The following DOCK3 variants were observed in gnomAD, a reference collection of about 807,000 sequenced individuals.
The protein encoded by DOCK3 is dedicator of cytokinesis 3, also known as dedicator of cytokinesis protein 3.
In DOCK3, 60 loss-of-function variants were observed where a neutral mutation model predicts 265.6. The observed-to-expected ratio is 0.23, with a 90% CI of 0.18 to 0.28. The LOEUF (loss-of-function observed/expected upper bound fraction) is 0.28. Ranked by LOEUF, DOCK3 falls within the 10% of genes least tolerant of loss-of-function variation. The pLI, the probability that DOCK3 is intolerant of heterozygous loss-of-function variation, is 1.00. For synonymous variants in DOCK3, 881 were observed against 938.0 expected (o/e 0.94, Z 1.11); for missense variants, 1,981 against 2,594.3 (o/e 0.76, Z 5.14).
intron 9 of DOCK3, among the ~76,000 whole-genome samples, chr3:51,100,602 G>A (rs1256027545): frequency 1.3e-5 from 2 of 152,106 alleles, no homozygotes; most frequent in Non-Finnish European, 2.9e-5. Context: ...ACCCACCACA[G>A]GAGAAATGGA....
chr3:50,689,617 A>G (rs542019908), intron 1 of DOCK3, among the ~76,000 whole-genome samples: 16 of 152,288 alleles, frequency 1.1e-4, no homozygotes, highest in Non-Finnish European at 2.1e-4. Flanking sequence ...TTGGGTAGGG[A>G]CACAGCCAAA....
intron 9 of DOCK3, among the ~76,000 whole-genome samples, chr3:51,100,925 G>A (rs2083055893): frequency 6.6e-6 from 1 of 151,382 alleles, no homozygotes. Flanking sequence ...CTGCTGAATA[G>A]CTTGGACTAC....
intron 10 of DOCK3, among the ~76,000 whole-genome samples, chr3:51,148,255 TG>T (rs1226294137): frequency 6.6e-6 from 1 of 152,258 alleles, no homozygotes; most frequent in African/African-American, 2.4e-5. Context: ...CTTTGTCAGA[TG>T]GGTAAATTGC....
chr3:50,900,782 G>T, intron 4 of DOCK3: 1 of 431,140 alleles, frequency 2.3e-6, no homozygotes, highest in Non-Finnish European at 4.6e-6. Flanking sequence ...TTCAGACCCT[G>T]CCCCTGTTTG....
chr3:50,790,435 T>G (rs1052524759), intron 2 of DOCK3, among the ~76,000 whole-genome samples: 1 of 151,746 alleles, frequency 6.6e-6, no homozygotes, highest in Non-Finnish European at 1.5e-5. Context: ...GAGGTTCTAT[T>G]TTGGTGTATT....
chr3:51,212,183 T>G (rs2089545528), intron 13 of DOCK3, among the ~76,000 whole-genome samples: 1 of 152,214 alleles, frequency 6.6e-6, no homozygotes, highest in Non-Finnish European at 1.5e-5. Flanking sequence ...GCCTTTTCAT[T>G]TGATCTCTTG....
At chr3:51,292,661 A>G (rs1356127601) in intron 27 of DOCK3, among the ~76,000 whole-genome samples, 3 of 152,158 alleles carry the variant, frequency 2.0e-5, no homozygotes, top group African/African-American at 7.2e-5. Flanking sequence ...TTTTTAAAAA[A>G]CAAAATACTT....
At chr3:50,719,087 G>A (rs1234666921) in intron 1 of DOCK3, among the ~76,000 whole-genome samples, 1 of 151,832 alleles carries the variant, frequency 6.6e-6, no homozygotes, top group Non-Finnish European at 1.5e-5. Context: ...CCCGGCTGTG[G>A]GTTGATGTTT....
chr3:50,994,591 TG>T (rs2078216469), intron 5 of DOCK3, among the ~76,000 whole-genome samples: 1 of 152,160 alleles, frequency 6.6e-6, no homozygotes, highest in Non-Finnish European at 1.5e-5. Flanking sequence ...TGTCAAAAAA[TG>T]GGGATGAAAG....
intron 5 of DOCK3, among the ~76,000 whole-genome samples, chr3:50,972,585 ATTCC>A (rs1325251093): frequency 3.3e-5 from 5 of 152,142 alleles, no homozygotes; most frequent in African/African-American, 1.2e-4. Flanking sequence ...TAGGAACAAC[ATTCC>A]CTGAGGACTG....
intron 32 of DOCK3, among the ~76,000 whole-genome samples, chr3:51,316,201 T>C (rs904129526): frequency 3.3e-5 from 5 of 152,210 alleles, no homozygotes; most frequent in Non-Finnish European, 7.4e-5. Context: ...TTCATCACTA[T>C]AGTTGTGCCT....
intron 52 of DOCK3, among the ~76,000 whole-genome samples, chr3:51,380,436 A>C (rs1158554415): frequency 1.3e-5 from 2 of 152,184 alleles, no homozygotes; most frequent in Non-Finnish European, 1.5e-5. Context: ...GGAGACAACA[A>C]CACACAGTAC....
chr3:50,863,621 T>G (rs1278680275), intron 3 of DOCK3, among the ~76,000 whole-genome samples: 4 of 152,314 alleles, frequency 2.6e-5, no homozygotes, highest in Non-Finnish European at 2.9e-5. Flanking sequence ...TTCTCAGTTT[T>G]TCTTTTGGGA....
chr3:50,736,877 T>C (rs181703787), intron 1 of DOCK3, among the ~76,000 whole-genome samples: 3 of 152,100 alleles, frequency 2.0e-5, no homozygotes, highest in African/African-American at 7.2e-5. Context: ...TTTGTATTTT[T>C]AGTAGAGACG....
chr3:50,770,713 C>T (rs2041221584), intron 1 of DOCK3, among the ~76,000 whole-genome samples: 1 of 152,094 alleles, frequency 6.6e-6, no homozygotes, highest in South Asian at 2.1e-4. Flanking sequence ...GACGCATAGA[C>T]CAATGGAACA....
At position 51,361,743 on chromosome 3, in the gene DOCK3, C is replaced by T; in HGVS notation, c.5007-116C>T. Reference sequence around the variant, plus strand: ...TGGGTATGAGCATTGACTATGGAACCCTCCAAACCGGTGGTAGCTGAAACC... The same window carrying T: ...TGGGTATGAGCATTGACTATGGAACTCTCCAAACCGGTGGTAGCTGAAACC... On this transcript the variant is annotated intron_variant, in intron 47 of 52. Transcript: ENST00000266037. This position sits in a 1 kb window ranked among gnomAD's most constrained non-coding sequence, Gnocchi z 4.2. The T allele has an allele frequency of 1.4e-6, 2 of 1,381,376 alleles. No individual in the cohort carries two copies. Among genetic ancestry groups the T allele is most frequent in the Admixed American group, 2.2e-5 (1 of 45,036 alleles). The allele number at this position is 1,381,376 out of a possible 1,614,324, so 85.6% of individuals were successfully genotyped here. A position where few individuals can be genotyped will look rare whatever the true frequency, so the allele number is the denominator to read the frequency against.
chr3:51,187,751 CTTTT>C (rs1222615450), intron 12 of DOCK3, among the ~76,000 whole-genome samples: 5 of 112,136 alleles, frequency 4.5e-5, no homozygotes, highest in Admixed American at 9.5e-5. Context: ...TCTGCACAAG[CTTTT>C]TTTTTTTTTT....
In DOCK3 at chr3:51,312,884, A is replaced by C; in HGVS notation, c.3235A>C (p.Ser1079Arg). 1 of 1,609,398 alleles carries C rather than the reference A, an allele frequency of 6.2e-7. No individual in the cohort carries two copies. The highest frequency in any genetic ancestry group is 8.5e-7 in the Non-Finnish European group (1 of 1,177,732). ...MRVMMAYELFSMWQNLGEHKI... is the reference protein window; with the variant it reads ...MRVMMAYELFRMWQNLGEHKI... ...TGTAATGATGGCCTATGAACTGTTC[A>C]GCATGTGGCAGAATTTGGGTAGGTT... The change falls in exon 31 of 53, where the codon AGC becomes CGC. Residue 1079 changes from serine (S) to arginine (R), a missense_variant. Ser to Arg is a moderately radical substitution (Grantham distance 110). This residue lies in a region of DOCK3 where 1,357 missense variants were observed against 1,866.8 expected (regional missense o/e 0.73). Coordinates refer to ENST00000266037, the MANE Select transcript of DOCK3 (RefSeq NM_004947.5).
chr3:50,979,135 C>G (rs535122579), intron 5 of DOCK3, among the ~76,000 whole-genome samples: 11 of 152,270 alleles, frequency 7.2e-5, no homozygotes, highest in African/African-American at 2.2e-4. Flanking sequence ...AGCTGTAGAC[C>G]GGAGCTGTTC....
Sources: allele counts gnomAD v4.1 joint callset (sites outside exome capture counted in the v4.1 genomes callset), GRCh38; gene constraint gnomAD v4.1.1; regional missense constraint gnomAD v4.1.1; non-coding constraint Gnocchi (gnomAD v3.1); transcripts MANE v1.5; gene names NCBI Gene and HGNC (gene_info 2026-07-23, HGNC 2026-07-21).